The following FGD6 variants were observed in gnomAD, a reference collection of about 807,000 sequenced individuals.
FGD6 encodes FYVE, RhoGEF and PH domain containing 6, also known as FYVE, RhoGEF and PH domain-containing protein 6.
A neutral mutation model predicts 149.4 loss-of-function variants in FGD6; 90 were observed. That is an observed-to-expected ratio of 0.60 (90% CI 0.51 to 0.72). The LOEUF (loss-of-function observed/expected upper bound fraction) is 0.72. FGD6 is among the 30% of genes least tolerant of loss of function. FGD6 has a pLI of 0.00. For synonymous variants in FGD6, 527 were observed against 584.0 expected, an observed-to-expected ratio of 0.90 and a Z score of 1.41; for missense variants, 1,437 against 1,684.8, an observed-to-expected ratio of 0.85 and a Z score of 2.57.
intron 8 of FGD6, among the ~76,000 whole-genome samples, chr12:95,130,291 T>C (rs6538601): frequency 0.88 from 133,627 of 152,160 alleles, 59,043 homozygotes; most frequent in African/African-American, 0.97. Flanking sequence ...TTATCATCTA[T>C]GCATATCTCA....
chr12:95,114,092 T>C (rs1265234979), intron 8 of FGD6, among the ~76,000 whole-genome samples: 2 of 152,154 alleles, frequency 1.3e-5, no homozygotes, highest in Non-Finnish European at 2.9e-5. Context: ...TAGTATAAAA[T>C]TCTAAGGCAT....
intron 14 of FGD6, among the ~76,000 whole-genome samples, chr12:95,102,932 C>T (rs763439885): frequency 6.6e-6 from 1 of 152,164 alleles, no homozygotes; most frequent in African/African-American, 2.4e-5. Flanking sequence ...ACAAAGTTAT[C>T]ATAGAACTTA....
chr12:95,148,393 A>G (rs924085496), intron 5 of FGD6, among the ~76,000 whole-genome samples: 4 of 149,642 alleles, frequency 2.7e-5, no homozygotes, highest in Admixed American at 6.9e-5. Flanking sequence ...AAGGAAATGT[A>G]CGTCTCCACC....
At chr12:95,201,947 GGACA>G (rs2056664488) in intron 2 of FGD6, among the ~76,000 whole-genome samples, 1 of 137,020 alleles carries the variant, frequency 7.3e-6, no homozygotes. Flanking sequence ...TTACTAAGCA[GGACA>G]GAATACACAC....
chr12:95,184,118 A>G (rs1257381829), intron 2 of FGD6, among the ~76,000 whole-genome samples: 1 of 152,226 alleles, frequency 6.6e-6, no homozygotes, highest in Non-Finnish European at 1.5e-5. Flanking sequence ...TACATTATAT[A>G]CAGACCCCAC....
chr12:95,083,872 T>C (rs374192150), intron 20 of FGD6, among the ~76,000 whole-genome samples: 2 of 152,196 alleles, frequency 1.3e-5, no homozygotes, highest in Non-Finnish European at 2.9e-5. Context: ...AACTATTTTG[T>C]TCAAAAGAGA....
intron 2 of FGD6, among the ~76,000 whole-genome samples, chr12:95,194,113 T>TG (rs1310671900): frequency 2.6e-5 from 4 of 151,852 alleles, no homozygotes; most frequent in African/African-American, 4.8e-5. Flanking sequence ...TTTGTAGAGA[T>TG]GGAGTCTCGC....
intron 8 of FGD6, chr12:95,125,822 T>G: frequency 1.0e-6 from 1 of 958,758 alleles, no homozygotes; most frequent in Non-Finnish European, 1.7e-6. Context: ...GACCTCATGC[T>G]GGAAAATTCA....
chr12:95,106,673 A>G (rs1234383281), intron 13 of FGD6, among the ~76,000 whole-genome samples: 1 of 152,030 alleles, frequency 6.6e-6, no homozygotes, highest in East Asian at 1.9e-4. Flanking sequence ...AGGCAGGCTG[A>G]TCACCTGAGG....
At chr12:95,116,583 C>T (rs1402635652) in intron 8 of FGD6, among the ~76,000 whole-genome samples, 1 of 152,176 alleles carries the variant, frequency 6.6e-6, no homozygotes, top group Non-Finnish European at 1.5e-5. Context: ...TGTACTCAAA[C>T]ATGAACTTTT....
At position 95,077,200 on chromosome 12, in the gene FGD6, A is replaced by T. The variant is rs920959976; in HGVS notation, c.*4320T>A. Reference sequence around the variant, plus strand: ...AAAAAAATCAGAAGGGATCCATAGGAAGGAATTTAATTCAGCAAATACTGA... The same window carrying T: ...AAAAAAATCAGAAGGGATCCATAGGTAGGAATTTAATTCAGCAAATACTGA... On this transcript the variant is annotated 3_prime_UTR_variant, in exon 21 of 21. Coordinates refer to ENST00000343958, the MANE Select transcript of FGD6 (RefSeq NM_018351.4). The T allele has an allele frequency of 5.9e-5, 9 of 152,214 alleles. No individual in the cohort carries two copies. Among genetic ancestry groups the T allele is most frequent in the African/African-American group, 1.9e-4 (8 of 41,448 alleles). The allele number at this position is 152,214 out of a possible 1,614,324, so 9.4% of individuals were successfully genotyped here.
intron 2 of FGD6, among the ~76,000 whole-genome samples, chr12:95,196,195 TAC>T (rs1301523391): frequency 6.6e-6 from 1 of 152,212 alleles, no homozygotes; most frequent in African/African-American, 2.4e-5. Context: ...AACAGCCAAG[TAC>T]AGTTTTTCAA....
intron 1 of FGD6, among the ~76,000 whole-genome samples, chr12:95,211,565 A>C (rs1263005511): frequency 7.0e-6 from 1 of 142,072 alleles, no homozygotes; most frequent in African/African-American, 2.6e-5. Flanking sequence ...TGTGAGACGG[A>C]GTCTTGCCCT....
chr12:95,090,731 T>C (rs763438896), intron 17 of FGD6, among the ~76,000 whole-genome samples: 3 of 152,178 alleles, frequency 2.0e-5, no homozygotes, highest in Non-Finnish European at 4.4e-5. Flanking sequence ...TGAAATACCA[T>C]GTCATCCACT....
intron 2 of FGD6, among the ~76,000 whole-genome samples, chr12:95,192,467 T>C (rs1419728397): frequency 6.6e-6 from 1 of 152,174 alleles, no homozygotes; most frequent in African/African-American, 2.4e-5. Flanking sequence ...GGAGGCACAA[T>C]GTACAAAAAT....
intron 8 of FGD6, among the ~76,000 whole-genome samples, chr12:95,115,027 C>A (rs752566298): frequency 3.3e-5 from 5 of 152,174 alleles, no homozygotes; most frequent in African/African-American, 7.2e-5. Context: ...TTCTTAAATG[C>A]CCCTTCTCTT....
rs193205741 is a variant in FGD6 at position 95,104,322 on chromosome 12, G to A, written c.3497+685C>T. ...GTTTATGTATTCTTAAAAATAGGCC[G>A]GCACAGTGACTCACACCTGTAATCT... On this transcript the variant is annotated intron_variant, in intron 14 of 20. Coordinates refer to ENST00000343958, the MANE Select transcript of FGD6 (RefSeq NM_018351.4). Among the ~76,000 whole-genome samples, 1,030 of 152,100 alleles carry A rather than the reference G, an allele frequency of 6.8e-3. 19 individuals carry two copies. The highest frequency in any genetic ancestry group is 6.5e-3 in the Non-Finnish European group (439 of 68,010).
At chr12:95,163,398 T>C (rs1880704026) in intron 3 of FGD6, among the ~76,000 whole-genome samples, 2 of 152,148 alleles carry the variant, frequency 1.3e-5, no homozygotes, top group South Asian at 4.1e-4. Context: ...CCTCCTACTA[T>C]CAAAGGACAA....
chr12:95,128,993 G>T (rs1263535275), intron 8 of FGD6, among the ~76,000 whole-genome samples: 2 of 152,164 alleles, frequency 1.3e-5, no homozygotes, highest in African/African-American at 4.8e-5. Flanking sequence ...GTGTGTCCTT[G>T]GAAGAGAAAT....
Sources: gnomAD v4.1 joint callset for allele counts (sites outside exome capture counted in the v4.1 genomes callset) on GRCh38, gnomAD v4.1.1 for gene constraint, MANE v1.5 for transcripts, NCBI Gene and HGNC (gene_info 2026-07-23, HGNC 2026-07-21) for gene names.